The following UNC80 variants were observed in gnomAD, a reference collection of about 807,000 sequenced individuals.
UNC80 encodes protein unc-80 homolog.
In UNC80, 164 loss-of-function variants were observed where a neutral mutation model predicts 384.6. The observed-to-expected ratio is 0.43, with a 90% CI of 0.38 to 0.49. The LOEUF (loss-of-function observed/expected upper bound fraction) is 0.49, where lower values mean the gene tolerates loss of function less well. Ranked by LOEUF, UNC80 falls within the 20% of genes least tolerant of loss-of-function variation. The pLI, the probability that UNC80 is intolerant of heterozygous loss-of-function variation, is 0.00. For missense variants in UNC80, 3,330 were observed against 4,143.0 expected, an observed-to-expected ratio of 0.80 and a Z score of 5.39; for synonymous variants, 1,486 against 1,527.8, an observed-to-expected ratio of 0.97 and a Z score of 0.64.
At chr2:209,882,805 A>T (rs1489395748) in intron 25 of UNC80, among the ~76,000 whole-genome samples, 1 of 152,234 alleles carries the variant, frequency 6.6e-6, no homozygotes, top group East Asian at 1.9e-4. Flanking sequence ...AATAAAAAAA[A>T]TAAGAATCCT....
intron 22 of UNC80, among the ~76,000 whole-genome samples, chr2:209,866,525 C>CACACACACACACAT (rs1553556886): frequency 7.3e-5 from 8 of 110,208 alleles, no homozygotes; most frequent in East Asian, 3.8e-4. Flanking sequence ...CACACACACA[C>CACACACACACACAT]ACACACACAG....
intron 14 of UNC80, 34 bp downstream of exon 14, chr2:209,826,087 C>T (rs1347631459): frequency 7.8e-5 from 119 of 1,525,106 alleles, no homozygotes; most frequent in Non-Finnish European, 9.9e-5. Context: ...ATTTCCTCTC[C>T]CTCTTCCTTC....
At chr2:209,947,050 G>GCCA (rs1338082582) in intron 47 of UNC80, among the ~76,000 whole-genome samples, 1 of 152,116 alleles carries the variant, frequency 6.6e-6, no homozygotes, top group African/African-American at 2.4e-5. Flanking sequence ...TGTGGCTGTG[G>GCCA]CCTTCAGGAG....
rs1249809297 is a variant in UNC80 at position 209,817,848 on chromosome 2, C to G, written c.1589C>G (p.Thr530Ser). 1.9e-6 allele frequency: 3 copies of G among 1,551,686 alleles called. No homozygotes were observed. Among genetic ancestry groups the G allele is most frequent in the Non-Finnish European group, 2.6e-6 (3 of 1,146,996 alleles). Residue 530 changes from threonine to serine, a missense_variant, in exon 11 of 65, where the codon ACT becomes AGT. Thr to Ser is a moderately conservative substitution (Grantham distance 58). This residue lies in a region of UNC80 where 937 missense variants were observed against 1,026.8 expected (regional missense o/e 0.91). Transcript: ENST00000673920. Reference protein sequence around the residue: ...LTRRGSSDAATEMESLSARHS... With the variant: ...LTRRGSSDAASEMESLSARHS... ...CGGCGAGGCAGTTCAGATGCAGCCACTGAGATGGAGAGTCTGAGCGCCAGG... is the reference window on the plus strand; with the variant it reads ...CGGCGAGGCAGTTCAGATGCAGCCAGTGAGATGGAGAGTCTGAGCGCCAGG...
At position 209,954,207 on chromosome 2, in the gene UNC80, C is replaced by T. The variant is rs866318243; in HGVS notation, c.7394C>T (p.Ala2465Val). The change falls in exon 48 of 65, where the codon GCG (alanine) becomes GTG (valine). Residue 2465 changes from alanine (A) to valine (V), a missense_variant. This residue lies in a region of UNC80 where 1,049 missense variants were observed against 1,488.6 expected (regional missense o/e 0.70). Coordinates refer to ENST00000673920, the MANE Select transcript of UNC80 (RefSeq NM_001371986.1). ...ETVPAAREEI[A>V]ATAALATSLQ... is the part of the protein sequence containing the mutation. ...GTACCTGCTGCCCGAGAGGAGATTGCGGCCACTGCTGCTCTTGCGACGTCC... is the reference window on the plus strand; with the variant it reads ...GTACCTGCTGCCCGAGAGGAGATTGTGGCCACTGCTGCTCTTGCGACGTCC... The T allele has an allele frequency of 1.1e-5, 17 of 1,550,974 alleles. No homozygotes were observed. Among genetic ancestry groups the T allele is most frequent in the East Asian group, 9.8e-5 (4 of 40,912 alleles).
rs993082305 is a variant in UNC80 at position 209,941,281 on chromosome 2, A to G, written c.6707A>G (p.Glu2236Gly). The change falls in exon 44 of 65, where the codon GAG (glutamate) becomes GGG (glycine). Residue 2236 changes from glutamate to glycine, a missense_variant. This residue lies in a region of UNC80 where 1,049 missense variants were observed against 1,488.6 expected (regional missense o/e 0.70). Coordinates refer to ENST00000673920, the MANE Select transcript of UNC80 (RefSeq NM_001371986.1). ...LQKSLWIQLL[E>G]EMFLGMPSEF... is the part of the protein sequence containing the mutation. ...AAAAGCTTGTGGATCCAGCTGCTGG[A>G]GGAAATGTTCCTGGGCATGCCGAGC... 6.5e-7 allele frequency: 1 copy of G among 1,541,100 alleles called. No individual in the cohort carries two copies. Among genetic ancestry groups the G allele is most frequent in the Non-Finnish European group, 8.8e-7 (1 of 1,138,144 alleles).
intron 22 of UNC80, among the ~76,000 whole-genome samples, chr2:209,853,668 G>A (rs1228349336): frequency 1.3e-5 from 2 of 152,044 alleles, no homozygotes; most frequent in Admixed American, 1.3e-4. Flanking sequence ...AAATTAAACA[G>A]TTCAAGCAAA....
intron 7 of UNC80, among the ~76,000 whole-genome samples, chr2:209,810,538 G>A (rs549261078): frequency 6.6e-6 from 1 of 152,128 alleles, no homozygotes; most frequent in African/African-American, 2.4e-5. Context: ...TGGTGCCTGC[G>A]TTTTTAACAA....
intron 7 of UNC80, among the ~76,000 whole-genome samples, chr2:209,797,433 C>A (rs1325767908): frequency 2.6e-5 from 4 of 152,136 alleles, no homozygotes; most frequent in Non-Finnish European, 5.9e-5. Flanking sequence ...GTTTGGTTTT[C>A]TGTTCCTGTG....
chr2:209,926,092 G>T (rs2090411921), intron 35 of UNC80, among the ~76,000 whole-genome samples: 1 of 151,990 alleles, frequency 6.6e-6, no homozygotes, highest in Non-Finnish European at 1.5e-5. Context: ...TTATCAATGA[G>T]GATGAAAACA....
In UNC80 at chr2:209,942,990, T is replaced by C. The variant is rs559394206; in HGVS notation, c.6916-390T>C. 3.3e-5 allele frequency among the ~76,000 whole-genome samples: 5 copies of C among 152,294 alleles called. No individual in the cohort carries two copies. In the South Asian group the frequency reaches 8.3e-4, roughly 25 times the overall value. On this transcript the variant is annotated intron_variant, in intron 44 of 64. Coordinates refer to ENST00000673920, the MANE Select transcript of UNC80 (RefSeq NM_001371986.1). ...ATTTAGCCTTACAGCATTTTTAAAA[T>C]TACTGCACAGCATTCTATGATTTGT...
chr2:209,933,757 A>T (rs1222701509), intron 38 of UNC80, 65 bp from the exon 39 acceptor site: 33 of 1,405,590 alleles, frequency 2.3e-5, no homozygotes, highest in Non-Finnish European at 3.2e-5. Flanking sequence ...AGAAAAGCTA[A>T]GGAAATGAGA....
intron 22 of UNC80, among the ~76,000 whole-genome samples, chr2:209,866,697 T>G (rs1025266624): frequency 1.3e-5 from 2 of 152,214 alleles, no homozygotes; most frequent in Non-Finnish European, 2.9e-5. Context: ...GTACTACATT[T>G]TTATTTGTAA....
At chr2:209,958,500 A>G (rs920460346) in intron 49 of UNC80, among the ~76,000 whole-genome samples, 2 of 152,190 alleles carry the variant, frequency 1.3e-5, no homozygotes, top group Admixed American at 6.5e-5. Context: ...CCTGCTCATC[A>G]TATATATTCA....
intron 26 of UNC80, among the ~76,000 whole-genome samples, chr2:209,888,977 T>C (rs1337411596): frequency 1.3e-5 from 2 of 152,214 alleles, no homozygotes; most frequent in Non-Finnish European, 2.9e-5. Flanking sequence ...ACACCTCTGC[T>C]AAACACTTGT....
intron 21 of UNC80, among the ~76,000 whole-genome samples, chr2:209,844,410 C>T (rs1458530120): frequency 1.3e-5 from 2 of 149,278 alleles, no homozygotes; most frequent in Admixed American, 6.7e-5. Context: ...TCCTTCCTTT[C>T]CTTCTCTCTT....
At chr2:209,927,067 C>G in intron 36 of UNC80, 81 bp downstream of exon 36, 1 of 1,434,324 alleles carries the variant, frequency 7.0e-7, no homozygotes, top group South Asian at 1.3e-5. Context: ...CTCTTAAACA[C>G]ATTATCTACT....
chr2:209,823,142 A>G (rs1185953205), intron 13 of UNC80, among the ~76,000 whole-genome samples: 1 of 152,174 alleles, frequency 6.6e-6, no homozygotes, highest in African/African-American at 2.4e-5. Context: ...TTCCATTTCT[A>G]TATTTGCCAC....
chr2:209,875,147 A>G (rs1353270956), intron 23 of UNC80, among the ~76,000 whole-genome samples: 1 of 152,158 alleles, frequency 6.6e-6, no homozygotes, highest in Non-Finnish European at 1.5e-5. Context: ...AAGATATGAC[A>G]TTCATCCTCA....
Sources: gnomAD v4.1 joint callset for allele counts (sites outside exome capture counted in the v4.1 genomes callset) on GRCh38, gnomAD v4.1.1 for gene constraint, gnomAD v4.1.1 regional missense constraint, MANE v1.5 for transcripts, NCBI Gene and HGNC (gene_info 2026-07-23, HGNC 2026-07-21) for gene names.